Variants in KRAS observed in about 807,000 individuals in gnomAD.
KRAS encodes the protein GTPase KRas.
A neutral mutation model predicts 21.0 loss-of-function variants in KRAS; 1 was observed. The ratio of observed to expected loss-of-function variants is 0.05; its 90% CI spans 0.02 to 0.23. KRAS has a LOEUF of 0.23. Among genes scored for constraint, KRAS ranks in the 10% least tolerant of loss-of-function variants. The pLI is 1.00. For synonymous variants in KRAS, 67 were observed against 72.5 expected, an observed-to-expected ratio of 0.92 and a Z score of 0.39; for missense variants, 107 against 221.8, an observed-to-expected ratio of 0.48 and a Z score of 3.29.
intron 3 of KRAS, 24 bp from the exon 4 acceptor site, chr12:25,225,797 G>C (rs377473109): frequency 6.2e-7 from 1 of 1,603,808 alleles, no homozygotes; most frequent in Admixed American, 1.7e-5. Flanking sequence ...AAAAGTTATA[G>C]CACAGTCATT....
intron 4 of KRAS, among the ~76,000 whole-genome samples, chr12:25,213,694 C>CTATA (rs1344787090): frequency 6.6e-6 from 1 of 152,168 alleles, no homozygotes; most frequent in Non-Finnish European, 1.5e-5. Flanking sequence ...AGAACACCAA[C>CTATA]TTGTAATAAA....
intron 2 of KRAS, among the ~76,000 whole-genome samples, chr12:25,241,785 C>T (rs569905145): frequency 6.6e-6 from 1 of 152,118 alleles, no homozygotes; most frequent in African/African-American, 2.4e-5. Context: ...GTACTCTCTC[C>T]CCAAGTTGTG....
chr12:25,213,339 G>T (rs1374570297), intron 4 of KRAS, among the ~76,000 whole-genome samples: 1 of 152,100 alleles, frequency 6.6e-6, no homozygotes, highest in African/African-American at 2.4e-5. Context: ...ATCTAATGGT[G>T]AGACAATAGG....
At chr12:25,231,213 T>C (rs1253813878) in intron 2 of KRAS, among the ~76,000 whole-genome samples, 1 of 144,572 alleles carries the variant, frequency 6.9e-6, no homozygotes, top group East Asian at 2.3e-4. Flanking sequence ...GCGATTCTCC[T>C]ACCTCAGCCT....
intron 4 of KRAS, among the ~76,000 whole-genome samples, chr12:25,221,549 T>C (rs1281095785): frequency 1.3e-5 from 2 of 152,086 alleles, no homozygotes; most frequent in Non-Finnish European, 2.9e-5. Flanking sequence ...CCTATTTTTA[T>C]ACTATGCACA....
chr12:25,232,501 T>C (rs1478460170), intron 2 of KRAS, among the ~76,000 whole-genome samples: 1 of 152,192 alleles, frequency 6.6e-6, no homozygotes, highest in Non-Finnish European at 1.5e-5. Context: ...ACCCATCTGA[T>C]TTTAAAACAC....
intron 4 of KRAS, chr12:25,211,236 A>G (rs1951197650): frequency 1.3e-5 from 2 of 152,210 alleles, no homozygotes; most frequent in African/African-American, 4.8e-5. Context: ...TAAAAAAATT[A>G]TATGTGTAAA....
At chr12:25,235,198 A>G in intron 2 of KRAS, 1 of 548,150 alleles carries the variant, frequency 1.8e-6, no homozygotes, top group Non-Finnish European at 3.5e-6. Flanking sequence ...AAGTATTGTA[A>G]GGACTTTTTA....
chr12:25,235,843 G>A (rs1213058267), intron 2 of KRAS, among the ~76,000 whole-genome samples: 2 of 152,142 alleles, frequency 1.3e-5, no homozygotes, highest in African/African-American at 2.4e-5. Flanking sequence ...GACCGAGTTG[G>A]GGGTGATTTC....
chr12:25,209,966 C>G, intron 4 of KRAS, 55 bp from the exon 5 acceptor site: 2 of 1,341,730 alleles, frequency 1.5e-6, no homozygotes, highest in Non-Finnish European at 2.1e-6. Flanking sequence ...TTCATGTGTA[C>G]AGGTAACAAA....
At chr12:25,223,719 T>G (rs1408390030) in intron 4 of KRAS, among the ~76,000 whole-genome samples, 1 of 152,230 alleles carries the variant, frequency 6.6e-6, no homozygotes, top group African/African-American at 2.4e-5. Context: ...GATAATGATT[T>G]ACATTTACAT....
Sources: gnomAD v4.1 joint callset for allele counts (sites outside exome capture counted in the v4.1 genomes callset) on GRCh38, gnomAD v4.1.1 for gene constraint, MANE v1.5 for transcripts, NCBI Gene and HGNC (gene_info 2026-07-23, HGNC 2026-07-21) for gene names.